The following NUDCD3 variants were observed in gnomAD, a reference collection of about 807,000 sequenced individuals.
The protein encoded by NUDCD3 is nudC domain-containing protein 3.
NUDCD3 carries 13 observed loss-of-function variants against 39.7 expected under a neutral mutation model. The ratio of observed to expected loss-of-function variants is 0.33; its 90% CI spans 0.21 to 0.52. The LOEUF (loss-of-function observed/expected upper bound fraction) is 0.52. Ranked by LOEUF, NUDCD3 falls within the 20% of genes least tolerant of loss-of-function variation. The probability of loss-of-function intolerance (pLI) is 0.96; values close to 1 mark genes in which losing one functional copy is unlikely to be tolerated. For missense variants in NUDCD3, 453 were observed against 458.1 expected, an observed-to-expected ratio of 0.99 and a Z score of 0.10; for synonymous variants, 175 against 172.4, an observed-to-expected ratio of 1.02 and a Z score of -0.12.
chr7:44,490,644 T>G lies in NUDCD3; in HGVS notation c.-44A>C, dbSNP rs1332777784. 6.5e-7 allele frequency: 1 copy of G among 1,535,444 alleles called. No individual in the cohort carries two copies. The highest frequency in any genetic ancestry group is 8.8e-7 in the Non-Finnish European group (1 of 1,141,638). ...TACGCTTCACACACACAGCGCCGCCTCAGACCTGCCGACTGGCCACTTCCG... is the reference window on the plus strand; with the variant it reads ...TACGCTTCACACACACAGCGCCGCCGCAGACCTGCCGACTGGCCACTTCCG... On this transcript the variant is annotated 5_prime_UTR_variant, in exon 1 of 6. Coordinates refer to ENST00000355451, the MANE Select transcript of NUDCD3 (RefSeq NM_015332.4).
chr7:44,416,591 C>G (rs1799028450), intron 3 of NUDCD3, among the ~76,000 whole-genome samples: 1 of 151,984 alleles, frequency 6.6e-6, no homozygotes, highest in Non-Finnish European at 1.5e-5. Context: ...TTTTTCCAAC[C>G]CCATAGGAGA....
At chr7:44,395,477 T>C (rs1563164348) in intron 4 of NUDCD3, among the ~76,000 whole-genome samples, 1 of 152,206 alleles carries the variant, frequency 6.6e-6, no homozygotes, top group Non-Finnish European at 1.5e-5. Flanking sequence ...TGCACAACCA[T>C]CACCTTTATC....
chr7:44,489,091 G>A (rs562430693), intron 1 of NUDCD3, among the ~76,000 whole-genome samples: 4 of 152,300 alleles, frequency 2.6e-5, no homozygotes, highest in African/African-American at 9.6e-5. Context: ...TCCACAAAAT[G>A]AAATTTTTAG....
intron 3 of NUDCD3, among the ~76,000 whole-genome samples, chr7:44,412,412 T>A (rs1798943828): frequency 6.6e-6 from 1 of 152,240 alleles, no homozygotes; most frequent in African/African-American, 2.4e-5. Context: ...TTCAGTTGTA[T>A]CTAATTTTGT....
rs1187633701 is a variant in NUDCD3, at chr7:44,404,450, T to C, written c.776A>G (p.Lys259Arg). The change falls in exon 4 of 6, where the codon AAG (lysine) becomes AGG (arginine). Residue 259 changes from lysine to arginine, a missense_variant. Transcript: ENST00000355451. ...GGTGCCCAAACTTACCAAAACGCAC[T>C]TCCCGGGCTCGAGACTCCAGAGAGA... ...ESSLWSLEPGKCVLVNLSKVG... is the reference protein window; with the variant it reads ...ESSLWSLEPGRCVLVNLSKVG... 1.2e-6 allele frequency: 2 copies of C among 1,613,940 alleles called. No homozygotes were observed. Among genetic ancestry groups the C allele is most frequent in the Non-Finnish European group, 1.7e-6 (2 of 1,179,946 alleles).
chr7:44,439,928 T>C (rs934131321), intron 2 of NUDCD3, among the ~76,000 whole-genome samples: 1 of 152,200 alleles, frequency 6.6e-6, no homozygotes, highest in African/African-American at 2.4e-5. Flanking sequence ...AACAGGATAT[T>C]TGCATAATCT....
At chr7:44,462,910 G>C (rs1211238803) in intron 2 of NUDCD3, among the ~76,000 whole-genome samples, 1 of 151,960 alleles carries the variant, frequency 6.6e-6, no homozygotes, top group Non-Finnish European at 1.5e-5. Context: ...AACACTGCCT[G>C]TGTATTCTGG....
intron 2 of NUDCD3, among the ~76,000 whole-genome samples, chr7:44,478,954 C>T (rs1217010839): frequency 6.6e-6 from 1 of 152,200 alleles, no homozygotes; most frequent in East Asian, 1.9e-4. Context: ...GTTTAATTGA[C>T]TCGCAGTTCA....
intron 2 of NUDCD3, among the ~76,000 whole-genome samples, chr7:44,458,446 G>A (rs1467911897): frequency 1.3e-5 from 2 of 152,048 alleles, no homozygotes; most frequent in Non-Finnish European, 2.9e-5. Context: ...GATCACCTGA[G>A]GTCAGAAGTT....
intron 3 of NUDCD3, among the ~76,000 whole-genome samples, chr7:44,419,162 G>A (rs1799088478): frequency 6.6e-6 from 1 of 152,144 alleles, no homozygotes; most frequent in African/African-American, 2.4e-5. Context: ...AAGGGCGCCT[G>A]CCATTACTGA....
intron 2 of NUDCD3, 62 bp from the exon 3 acceptor site, chr7:44,427,765 A>T (rs1462385660): frequency 6.4e-7 from 1 of 1,561,892 alleles, no homozygotes; most frequent in Admixed American, 1.8e-5. Flanking sequence ...CCCCATGGGC[A>T]GCCTAGCCCA....
At chr7:44,432,180 G>A (rs1033540579) in intron 2 of NUDCD3, among the ~76,000 whole-genome samples, 32 of 152,312 alleles carry the variant, frequency 2.1e-4, no homozygotes, top group African/African-American at 7.2e-4. Context: ...TACTCGGAGG[G>A]TTGAGGTGGG....
At chr7:44,476,651 A>T (rs957413400) in intron 2 of NUDCD3, among the ~76,000 whole-genome samples, 1 of 152,190 alleles carries the variant, frequency 6.6e-6, no homozygotes, top group Non-Finnish European at 1.5e-5. Flanking sequence ...GTTATAACAG[A>T]CTGAGCGAAA....
intron 2 of NUDCD3, among the ~76,000 whole-genome samples, chr7:44,449,415 A>G (rs1257670821): frequency 1.3e-5 from 2 of 152,222 alleles, no homozygotes; most frequent in African/African-American, 4.8e-5. Flanking sequence ...TCATAAAGGC[A>G]GAAATCAAAC....
At chr7:44,412,951 A>AAAAAAAAAAAAAAAAAAAG (rs1554489215) in intron 3 of NUDCD3, among the ~76,000 whole-genome samples, 2 of 144,392 alleles carry the variant, frequency 1.4e-5, no homozygotes, top group Non-Finnish European at 1.5e-5. Context: ...AAGAAAAAAA[A>AAAAAAAAAAAAAAAAAAAG]AAAGAAAGAA....
chr7:44,404,358 A>C, intron 4 of NUDCD3, 82 bp downstream of exon 4: 7 of 1,423,736 alleles, frequency 4.9e-6, no homozygotes, highest in Non-Finnish European at 6.8e-6. Flanking sequence ...GCTTAAGTGT[A>C]AATAGGCTTG....
chr7:44,420,675 A>C (rs1799120274), intron 3 of NUDCD3, among the ~76,000 whole-genome samples: 1 of 152,272 alleles, frequency 6.6e-6, no homozygotes, highest in African/African-American at 2.4e-5. Context: ...ACAAGCCAGA[A>C]GACAGTGAAG....
intron 4 of NUDCD3, among the ~76,000 whole-genome samples, chr7:44,398,939 G>A (rs1436573831): frequency 1.3e-5 from 2 of 152,206 alleles, no homozygotes; most frequent in Non-Finnish European, 2.9e-5. Flanking sequence ...GCACTGTTAT[G>A]AGCAATCTCC....
intron 2 of NUDCD3, among the ~76,000 whole-genome samples, chr7:44,430,529 T>C (rs955720159): frequency 7.4e-5 from 11 of 149,394 alleles, no homozygotes; most frequent in African/African-American, 2.7e-4. Flanking sequence ...AAAGTCAAAA[T>C]TGTGAAAATA....
Sources: allele counts gnomAD v4.1 joint callset (sites outside exome capture counted in the v4.1 genomes callset), GRCh38; gene constraint gnomAD v4.1.1; transcripts MANE v1.5; gene names NCBI Gene and HGNC (gene_info 2026-07-23, HGNC 2026-07-21).